The following ST7 variants were observed in gnomAD, a reference collection of about 807,000 sequenced individuals.
ST7 encodes the protein suppressor of tumorigenicity 7 protein.
ST7 carries 28 observed loss-of-function variants against 78.7 expected under a neutral mutation model. The ratio of observed to expected loss-of-function variants is 0.36; its 90% CI spans 0.26 to 0.49. The LOEUF (loss-of-function observed/expected upper bound fraction) is 0.49. Among genes scored for constraint, ST7 ranks in the 20% least tolerant of loss-of-function variants. ST7 has a pLI of 0.99. For missense variants in ST7, 418 were observed against 696.0 expected (o/e 0.60, Z 4.49); for synonymous variants, 247 against 249.6 (o/e 0.99, Z 0.10).
chr7:116,953,599 G>T lies in ST7; in HGVS notation c.59G>T (p.Trp20Leu). The T allele has an allele frequency of 6.6e-7, 1 of 1,506,188 alleles. No homozygotes were observed. Among genetic ancestry groups the T allele is most frequent in the Non-Finnish European group, 9.0e-7 (1 of 1,115,092 alleles). The allele number at this position is 1,506,188 out of a possible 1,614,324, so 93.3% of individuals were successfully genotyped here. A position where few individuals can be genotyped will look rare whatever the true frequency, so the allele number is the denominator to read the frequency against. The change falls in exon 1 of 16, where the codon TGG becomes TTG. Residue 20 changes from tryptophan to leucine, a missense_variant. By Grantham distance (61) the Trp-to-Leu change is moderately conservative (BLOSUM62 -2). Coordinates refer to ENST00000323984, the MANE Select transcript of ST7 (RefSeq NM_001369598.1). ...CTCAAGTCCTGCATAGTTTGGTCTT[G>T]GACGTATCTGTGGACCGTGTGGTTC... Reference protein sequence around the residue: ...EQLKSCIVWSWTYLWTVWFFI... With the variant: ...EQLKSCIVWSLTYLWTVWFFI...
At chr7:117,102,519 G>GA (rs1290018479) in intron 2 of ST7, among the ~76,000 whole-genome samples, 3 of 152,154 alleles carry the variant, frequency 2.0e-5, no homozygotes, top group Non-Finnish European at 2.9e-5. Context: ...GAAAACCACA[G>GA]AAAAAATTGT....
intron 1 of ST7, among the ~76,000 whole-genome samples, chr7:116,973,498 G>A (rs1169911465): frequency 1.3e-5 from 2 of 152,126 alleles, no homozygotes; most frequent in Non-Finnish European, 2.9e-5. Context: ...CTCAAGCGAT[G>A]CTACTGCCTT....
intron 1 of ST7, among the ~76,000 whole-genome samples, chr7:116,981,860 T>C (rs891726264): frequency 5.9e-5 from 9 of 152,268 alleles, no homozygotes; most frequent in African/African-American, 2.2e-4. Context: ...ATATGTGCTA[T>C]ACTTTATTTA....
At chr7:117,222,089 T>TG in intron 15 of ST7, 27 bp downstream of exon 15, 2 of 1,585,102 alleles carry the variant, frequency 1.3e-6, no homozygotes, top group Non-Finnish European at 1.7e-6. Flanking sequence ...AGGGAGGCCT[T>TG]GGGGAATGGA....
chr7:117,162,130 T>A (rs1393843255), intron 9 of ST7, among the ~76,000 whole-genome samples: 1 of 152,140 alleles, frequency 6.6e-6, no homozygotes, highest in Non-Finnish European at 1.5e-5. Context: ...TTGCTCTCAT[T>A]TTTATGAATT....
chr7:117,121,313 T>C (rs148309175), intron 3 of ST7, among the ~76,000 whole-genome samples: 1 of 152,330 alleles, frequency 6.6e-6, no homozygotes, highest in East Asian at 1.9e-4. Flanking sequence ...TGGATGAGTT[T>C]ACAAAGTCTC....
At position 116,999,519 on chromosome 7, in the gene ST7, C is replaced by A. The variant is rs117713767; in HGVS notation, c.151+45828C>A. Among the ~76,000 whole-genome samples, 33 of 152,272 alleles carry A rather than the reference C, an allele frequency of 2.2e-4. No homozygotes were observed. In the East Asian group the frequency reaches 6.4e-3, roughly 29 times the overall value. On this transcript the variant is annotated intron_variant, in intron 1 of 15. Transcript: ENST00000323984. Reference sequence around the variant, plus strand: ...TTGGGAGGAGCAAATAGACATCATACCTCTGTGGCCCTCAAAGGCCACGCA... The same window carrying A: ...TTGGGAGGAGCAAATAGACATCATAACTCTGTGGCCCTCAAAGGCCACGCA...
At chr7:117,081,107 A>G (rs184762504) in intron 1 of ST7, 13 of 152,276 alleles carry the variant, frequency 8.5e-5, no homozygotes, top group Non-Finnish European at 1.3e-4. Flanking sequence ...TAGTTATTTT[A>G]TTTCCAAATA....
intron 1 of ST7, among the ~76,000 whole-genome samples, chr7:117,000,288 A>G (rs533662115): frequency 2.0e-5 from 3 of 152,310 alleles, no homozygotes; most frequent in South Asian, 4.1e-4. Flanking sequence ...GCGTTGTCCA[A>G]TAGAACTTTC....
intron 10 of ST7, among the ~76,000 whole-genome samples, chr7:117,171,946 C>G (rs201930162): frequency 7.5e-6 from 1 of 132,900 alleles, no homozygotes; most frequent in Non-Finnish European, 1.7e-5. Flanking sequence ...CCATTTGGGT[C>G]TTTTTTTTTT....
chr7:117,164,512 T>G (rs536420682), intron 9 of ST7, among the ~76,000 whole-genome samples: 1 of 152,128 alleles, frequency 6.6e-6, no homozygotes, highest in African/African-American at 2.4e-5. Flanking sequence ...ACCCAGGAGA[T>G]GAAGAAACCA....
At chr7:117,223,205 T>TC in intron 15 of ST7, 2 of 554,894 alleles carry the variant, frequency 3.6e-6, no homozygotes, top group Non-Finnish European at 3.2e-6. Flanking sequence ...TCCCTCCTTT[T>TC]CCCAAAGCAT....
chr7:117,060,374 G>A (rs747953176), intron 1 of ST7, among the ~76,000 whole-genome samples: 2 of 152,140 alleles, frequency 1.3e-5, no homozygotes, highest in African/African-American at 4.8e-5. Flanking sequence ...GAAACATTTC[G>A]CTTATACAGA....
intron 1 of ST7, among the ~76,000 whole-genome samples, chr7:117,058,966 C>T (rs1798205469): frequency 6.6e-6 from 1 of 152,114 alleles, no homozygotes; most frequent in African/African-American, 2.4e-5. Context: ...TTCGCCTGTT[C>T]TCACTTATTT....
chr7:117,058,517 A>G lies in ST7; in HGVS notation c.152-41245A>G, dbSNP rs541914942. ...TGAAGATTGAATTTGCTTTGATTTC[A>G]TAGTGCATTATGGTAAAATTGAGCA... On this transcript the variant is annotated intron_variant, in intron 1 of 15. Transcript: ENST00000323984. Among the ~76,000 whole-genome samples the G allele has an allele frequency of 6.6e-5, 10 of 152,304 alleles. No individual in the cohort carries two copies. The South Asian group carries it at 1.7e-3, about 25-fold the overall frequency.
At chr7:116,994,663 T>A (rs1311383637) in intron 1 of ST7, among the ~76,000 whole-genome samples, 2 of 152,178 alleles carry the variant, frequency 1.3e-5, no homozygotes, top group African/African-American at 4.8e-5. Context: ...TAGTGATATT[T>A]TTCTACTCAA....
At chr7:117,220,967 C>T (rs1299132633) in intron 14 of ST7, among the ~76,000 whole-genome samples, 2 of 152,104 alleles carry the variant, frequency 1.3e-5, no homozygotes, top group Non-Finnish European at 1.5e-5. Flanking sequence ...CTTGTATTCC[C>T]TGAGGACCAT....
intron 1 of ST7, among the ~76,000 whole-genome samples, chr7:117,048,509 C>T (rs1261498075): frequency 6.6e-6 from 1 of 152,072 alleles, no homozygotes; most frequent in South Asian, 2.1e-4. Flanking sequence ...CATCTTTATC[C>T]AGTTGCCTTC....
intron 12 of ST7, among the ~76,000 whole-genome samples, chr7:117,200,676 A>G (rs969013506): frequency 9.1e-4 from 138 of 152,230 alleles, no homozygotes; most frequent in African/African-American, 3.3e-3. Context: ...ACTGGGCTTG[A>G]CACAATATGG....
Sources: allele counts gnomAD v4.1 joint callset (sites outside exome capture counted in the v4.1 genomes callset), GRCh38; gene constraint gnomAD v4.1.1; transcripts MANE v1.5; gene names NCBI Gene and HGNC (gene_info 2026-07-23, HGNC 2026-07-21).